HHAT: variants seen among roughly 807,000 people sequenced by gnomAD.
The protein encoded by HHAT is protein-cysteine N-palmitoyltransferase HHAT.
In HHAT, 47 loss-of-function variants were observed where a neutral mutation model predicts 70.8. The ratio of observed to expected loss-of-function variants is 0.66; its 90% CI spans 0.53 to 0.85. HHAT has a LOEUF of 0.85. Ranked by LOEUF, HHAT falls within the 40% of genes least tolerant of loss-of-function variation. The probability of loss-of-function intolerance (pLI) is 0.00; values close to 1 mark genes in which losing one functional copy is unlikely to be tolerated. For synonymous variants in HHAT, 228 were observed against 247.6 expected, an observed-to-expected ratio of 0.92 and a Z score of 0.74; for missense variants, 609 against 604.8, an observed-to-expected ratio of 1.01 and a Z score of -0.07.
intron 9 of HHAT, among the ~76,000 whole-genome samples, chr1:210,532,764 T>C (rs1273020607): frequency 6.9e-6 from 1 of 145,876 alleles, no homozygotes; most frequent in Non-Finnish European, 1.6e-5. Context: ...GTGGTCTTGT[T>C]GGAGAGGGAA....
At chr1:210,474,756 A>G (rs1334081831) in intron 8 of HHAT, among the ~76,000 whole-genome samples, 1 of 151,876 alleles carries the variant, frequency 6.6e-6, no homozygotes, top group African/African-American at 2.4e-5. Flanking sequence ...CGAGGAGGGA[A>G]ATGTGGTGAA....
intron 9 of HHAT, among the ~76,000 whole-genome samples, chr1:210,561,907 T>C (rs969852282): frequency 4.6e-5 from 7 of 152,202 alleles, no homozygotes; most frequent in African/African-American, 1.2e-4. Context: ...TTCCTCAATG[T>C]GTCCAGCACA....
chr1:210,452,414 G>A (rs917735967), intron 7 of HHAT, among the ~76,000 whole-genome samples: 1 of 152,162 alleles, frequency 6.6e-6, no homozygotes, highest in Non-Finnish European at 1.5e-5. Flanking sequence ...AAAATTAAAA[G>A]CATAAATGTA....
At chr1:210,390,400 C>T (rs763195983) in intron 4 of HHAT, among the ~76,000 whole-genome samples, 26 of 152,026 alleles carry the variant, frequency 1.7e-4, no homozygotes, top group Non-Finnish European at 3.4e-4. Flanking sequence ...ATAAAGAATT[C>T]GTTTCTTATT....
chr1:210,664,590 C>T (rs547122921), intron 11 of HHAT, among the ~76,000 whole-genome samples: 1 of 152,270 alleles, frequency 6.6e-6, no homozygotes, highest in Admixed American at 6.5e-5. Context: ...CCTCCAGTGG[C>T]CTCAAAATAG....
At chr1:210,518,721 AG>A (rs2095102636) in intron 9 of HHAT, among the ~76,000 whole-genome samples, 1 of 152,116 alleles carries the variant, frequency 6.6e-6, no homozygotes, top group Non-Finnish European at 1.5e-5. Flanking sequence ...TGAACCTGGG[AG>A]GCGGAGGTTG....
intron 5 of HHAT, among the ~76,000 whole-genome samples, chr1:210,403,323 C>T (rs954061944): frequency 6.6e-6 from 1 of 152,172 alleles, no homozygotes; most frequent in African/African-American, 2.4e-5. Flanking sequence ...CATACCTAAC[C>T]TTTTGGGGAC....
intron 7 of HHAT, chr1:210,462,911 T>A (rs1046255214): frequency 6.6e-6 from 1 of 152,230 alleles, no homozygotes; most frequent in African/African-American, 2.4e-5. Flanking sequence ...GCTTGGTTAT[T>A]TCCTTCAGAA....
At position 210,538,075 on chromosome 1, in the gene HHAT, A is replaced by ATT. The variant is rs200582852; in HGVS notation, c.1043+24898_1043+24899dup. Among the ~76,000 whole-genome samples, 562 of 142,082 alleles carry ATT rather than the reference A, an allele frequency of 4.0e-3. 15 individuals carry two copies. In the East Asian group the frequency reaches 0.077, roughly 19 times the overall value. The allele number at this position is 142,082 out of a possible 152,430, so 93.2% of individuals were successfully genotyped here. A position where few individuals can be genotyped will look rare whatever the true frequency, so the allele number is the denominator to read the frequency against. ...CTTTAAACAATTGTACACATTTTGT[A>ATT]TTTTTTTTTTTTGCTTTTCTCCATA... On this transcript the variant is annotated intron_variant, in intron 9 of 11. Transcript: ENST00000261458.
intron 7 of HHAT, 98 bp from the exon 8 acceptor site, chr1:210,464,407 G>A (rs2094050791): frequency 1.7e-6 from 2 of 1,152,246 alleles, no homozygotes; most frequent in South Asian, 1.3e-5. Context: ...GGTGTGGGGA[G>A]AAGCGGGGCA....
At chr1:210,519,297 G>A (rs1179457955) in intron 9 of HHAT, among the ~76,000 whole-genome samples, 1 of 152,164 alleles carries the variant, frequency 6.6e-6, no homozygotes, top group Non-Finnish European at 1.5e-5. Context: ...ATTGTCAATA[G>A]TGCTGCAGTA....
rs79812330 is a variant in HHAT at position 210,602,660 on chromosome 1, A to G, written c.1245+14561A>G. 2.5e-3 allele frequency among the ~76,000 whole-genome samples: 380 copies of G among 152,306 alleles called. 4 individuals carry two copies. Among genetic ancestry groups the G allele is most frequent in the African/African-American group, 8.3e-3 (343 of 41,566 alleles). On this transcript the variant is annotated intron_variant, in intron 10 of 11. Transcript: ENST00000261458. ...AAACAGGAGAGCGTTAAATTAACAT[A>G]TTAATCCCACACATCAAATTAGCCT... is the stretch of plus-strand genomic sequence containing the variant.
chr1:210,329,610 C>T (rs1025529440), intron 1 of HHAT: 9 of 394,274 alleles, frequency 2.3e-5, no homozygotes, highest in Admixed American at 1.9e-4. Flanking sequence ...AGGTACTTTA[C>T]GGGTAGCATT....
At chr1:210,510,552 G>A (rs1470174111) in intron 8 of HHAT, among the ~76,000 whole-genome samples, 3 of 152,162 alleles carry the variant, frequency 2.0e-5, no homozygotes, top group African/African-American at 7.2e-5. Flanking sequence ...AGGTGGAAGT[G>A]GGAAGACATC....
intron 9 of HHAT, among the ~76,000 whole-genome samples, chr1:210,525,217 C>A (rs1232375214): frequency 6.6e-6 from 1 of 151,990 alleles, no homozygotes; most frequent in African/African-American, 2.4e-5. Flanking sequence ...GATGTCAGCC[C>A]CTCTTAGGAC....
At chr1:210,602,808 C>T (rs1022960003) in intron 10 of HHAT, among the ~76,000 whole-genome samples, 2 of 152,044 alleles carry the variant, frequency 1.3e-5, no homozygotes, top group African/African-American at 4.8e-5. Context: ...GCATTGTCTC[C>T]CACTCCTAAG....
At chr1:210,371,103 A>G (rs1358214276) in intron 3 of HHAT, among the ~76,000 whole-genome samples, 1 of 152,174 alleles carries the variant, frequency 6.6e-6, no homozygotes, top group Non-Finnish European at 1.5e-5. Context: ...TTGTGTTCAC[A>G]AGAAGGAAGC....
At chr1:210,494,251 T>G (rs948778067) in intron 8 of HHAT, among the ~76,000 whole-genome samples, 3 of 152,196 alleles carry the variant, frequency 2.0e-5, no homozygotes, top group Non-Finnish European at 4.4e-5. Context: ...CTTGGGTCTT[T>G]AAAGGATCAT....
At chr1:210,587,016 A>C (rs1334729403) in intron 9 of HHAT, among the ~76,000 whole-genome samples, 1 of 152,214 alleles carries the variant, frequency 6.6e-6, no homozygotes, top group East Asian at 1.9e-4. Flanking sequence ...CAACCTGCCT[A>C]GAAAGCTGGG....
Sources: gnomAD v4.1 joint callset for allele counts (sites outside exome capture counted in the v4.1 genomes callset) on GRCh38, gnomAD v4.1.1 for gene constraint, MANE v1.5 for transcripts, NCBI Gene and HGNC (gene_info 2026-07-23, HGNC 2026-07-21) for gene names.